Variants in CORIN observed in about 807,000 individuals in gnomAD.
CORIN encodes atrial natriuretic peptide-converting enzyme.
In CORIN, 117 loss-of-function variants were observed where a neutral mutation model predicts 125.3. That is an observed-to-expected ratio of 0.93 (90% confidence interval 0.80 to 1.09). The LOEUF (loss-of-function observed/expected upper bound fraction) is 1.09. Among genes scored for constraint, CORIN ranks in the 50% least tolerant of loss-of-function variants. The pLI, the probability that CORIN is intolerant of heterozygous loss-of-function variation, is 0.00. For missense variants in CORIN, 1,253 were observed against 1,306.7 expected (o/e 0.96, Z 0.63); for synonymous variants, 450 against 466.4 (o/e 0.96, Z 0.45).
chr4:47,757,919 C>CAT (rs1729258125), intron 4 of CORIN, among the ~76,000 whole-genome samples: 1 of 136,890 alleles, frequency 7.3e-6, no homozygotes, highest in African/African-American at 2.9e-5. Flanking sequence ...CAAATATACA[C>CAT]ATATATATAT....
At position 47,838,011 on chromosome 4, in the gene CORIN, C is replaced by G. The variant is rs1350300170; in HGVS notation, c.-62G>C. ...ATCTTGGTCGCTTTTCTCTCCTCTA[C>G]GTGTCCCCCGGGGAGGCACTACGGA... On this transcript the variant is annotated 5_prime_UTR_variant, in exon 1 of 22. Coordinates refer to ENST00000273857, the MANE Select transcript of CORIN (RefSeq NM_006587.4). The G allele has an allele frequency of 6.3e-7, 1 of 1,599,548 alleles. No homozygotes were observed. The highest frequency in any genetic ancestry group is 1.3e-5 in the African/African-American group (1 of 74,682).
At chr4:47,835,453 A>C (rs904752040) in intron 1 of CORIN, among the ~76,000 whole-genome samples, 3 of 152,148 alleles carry the variant, frequency 2.0e-5, no homozygotes, top group Admixed American at 6.5e-5. Flanking sequence ...ACACTCAGAA[A>C]CCCTAAGACC....
chr4:47,615,954 T>A (rs1337746383), intron 19 of CORIN, among the ~76,000 whole-genome samples: 1 of 152,220 alleles, frequency 6.6e-6, no homozygotes, highest in Non-Finnish European at 1.5e-5. Context: ...TGAGAAGAAT[T>A]AAGGATGACT....
intron 5 of CORIN, among the ~76,000 whole-genome samples, chr4:47,709,840 C>G (rs1462565814): frequency 6.6e-6 from 1 of 152,096 alleles, no homozygotes; most frequent in African/African-American, 2.4e-5. Context: ...TTTTTGTTAA[C>G]TTTTAAGTTT....
chr4:47,635,851 G>A (rs996398240), intron 16 of CORIN, among the ~76,000 whole-genome samples: 47 of 152,316 alleles, frequency 3.1e-4, no homozygotes, highest in African/African-American at 1.1e-3. Flanking sequence ...GGCATATCTA[G>A]CTTCAAAAGC....
chr4:47,679,476 G>C (rs1197657131), intron 8 of CORIN: 1 of 151,962 alleles, frequency 6.6e-6, no homozygotes, highest in East Asian at 1.9e-4. Flanking sequence ...CCAGTCTCCT[G>C]CCTCAGCCTC....
intron 19 of CORIN, among the ~76,000 whole-genome samples, chr4:47,614,479 G>A (rs12648377): frequency 0.095 from 14,464 of 152,216 alleles, 1,235 homozygotes; most frequent in East Asian, 0.47. Flanking sequence ...GATTAGAGGC[G>A]TGAGCCACCA....
intron 5 of CORIN, among the ~76,000 whole-genome samples, chr4:47,710,214 CATTTT>C (rs995026008): frequency 6.6e-6 from 1 of 152,166 alleles, no homozygotes; most frequent in Non-Finnish European, 1.5e-5. Flanking sequence ...GGGAAATTTT[CATTTT>C]ATTTTATCTT....
chr4:47,650,859 C>T (rs1723704287), intron 13 of CORIN, among the ~76,000 whole-genome samples: 1 of 152,150 alleles, frequency 6.6e-6, no homozygotes, highest in Admixed American at 6.5e-5. Context: ...AGACTTCCTT[C>T]CCATATCGGA....
At chr4:47,787,786 T>C (rs59520349) in intron 2 of CORIN, among the ~76,000 whole-genome samples, 1,879 of 152,298 alleles carry the variant, frequency 0.012, 50 homozygotes, top group African/African-American at 0.042. Context: ...TTACCCCAAC[T>C]CTCTTTCCAC....
intron 12 of CORIN, 129 bp downstream of exon 12, chr4:47,661,582 C>T: frequency 1.2e-6 from 1 of 837,696 alleles, no homozygotes; most frequent in Non-Finnish European, 1.8e-6. Flanking sequence ...AATTCACTCA[C>T]CTAAGCAGCC....
chr4:47,684,893 A>G (rs1290506419), intron 6 of CORIN, among the ~76,000 whole-genome samples: 1 of 151,690 alleles, frequency 6.6e-6, no homozygotes, highest in Non-Finnish European at 1.5e-5. Flanking sequence ...GTCATTAAGC[A>G]AAGGCAGCGG....
intron 19 of CORIN, among the ~76,000 whole-genome samples, chr4:47,607,814 G>A (rs1245906689): frequency 1.3e-5 from 2 of 152,110 alleles, no homozygotes; most frequent in African/African-American, 4.8e-5. Flanking sequence ...GGATGTGGTG[G>A]CGTGCACCTA....
intron 3 of CORIN, among the ~76,000 whole-genome samples, chr4:47,777,827 C>A (rs1037375191): frequency 8.5e-5 from 13 of 152,190 alleles, no homozygotes; most frequent in African/African-American, 3.1e-4. Flanking sequence ...TCCAAAGGCA[C>A]AAGTAACAGC....
At chr4:47,620,947 T>C (rs1305990780) in intron 19 of CORIN, among the ~76,000 whole-genome samples, 1 of 152,238 alleles carries the variant, frequency 6.6e-6, no homozygotes, top group East Asian at 1.9e-4. Flanking sequence ...TGCATTTTTT[T>C]CCTAGAAACT....
At chr4:47,818,076 T>A (rs1258700066) in intron 1 of CORIN, among the ~76,000 whole-genome samples, 1 of 152,164 alleles carries the variant, frequency 6.6e-6, no homozygotes, top group East Asian at 1.9e-4. Flanking sequence ...AAAAAGGCAA[T>A]TCAAAGGCCT....
At chr4:47,620,469 T>C (rs1163589575) in intron 19 of CORIN, among the ~76,000 whole-genome samples, 1 of 152,242 alleles carries the variant, frequency 6.6e-6, no homozygotes, top group Non-Finnish European at 1.5e-5. Flanking sequence ...CAAATGGAAT[T>C]ATAGAGTGTT....
intron 2 of CORIN, among the ~76,000 whole-genome samples, chr4:47,804,910 G>A (rs938622819): frequency 3.3e-5 from 5 of 151,702 alleles, no homozygotes; most frequent in African/African-American, 1.2e-4. Context: ...GCCGAGACGG[G>A]TGGATCACGC....
At chr4:47,658,730 T>A (rs1724108861) in intron 12 of CORIN, among the ~76,000 whole-genome samples, 1 of 152,228 alleles carries the variant, frequency 6.6e-6, no homozygotes, top group Non-Finnish European at 1.5e-5. Context: ...TCAAGGCATT[T>A]TTCCCATTGT....
Sources: gnomAD v4.1 joint callset for allele counts (sites outside exome capture counted in the v4.1 genomes callset) on GRCh38, gnomAD v4.1.1 for gene constraint, MANE v1.5 for transcripts, NCBI Gene and HGNC (gene_info 2026-07-23, HGNC 2026-07-21) for gene names.